Variants in MAP2K4 observed in about 807,000 individuals in gnomAD.
The protein encoded by MAP2K4 is mitogen-activated protein kinase kinase 4.
MAP2K4 carries 4 observed loss-of-function variants against 48.5 expected under a neutral mutation model. The observed-to-expected ratio is 0.08, with a 90% CI of 0.04 to 0.19. The LOEUF (loss-of-function observed/expected upper bound fraction) is 0.19, where lower values mean the gene tolerates loss of function less well. MAP2K4 is among the 10% of genes least tolerant of loss of function. The pLI is 1.00. For missense variants in MAP2K4, 258 were observed against 493.3 expected, an observed-to-expected ratio of 0.52 and a Z score of 4.52; for synonymous variants, 166 against 173.1, an observed-to-expected ratio of 0.96 and a Z score of 0.32.
chr17:12,033,796 A>G (rs1969511173), intron 1 of MAP2K4, among the ~76,000 whole-genome samples: 1 of 151,302 alleles, frequency 6.6e-6, no homozygotes, highest in Non-Finnish European at 1.5e-5. Flanking sequence ...CTAATTAATG[A>G]AAAAAAAAGG....
At position 12,142,730 on chromosome 17, in the gene MAP2K4, G is replaced by A. The variant is rs1973409585; in HGVS notation, c.*1470G>A. The A allele has an allele frequency of 4.3e-6, 1 of 232,946 alleles. No individual in the cohort carries two copies. Among genetic ancestry groups the A allele is most frequent in the African/African-American group, 2.2e-5 (1 of 45,320 alleles). 14.4% of individuals were successfully genotyped at this position (232,946 alleles called of 1,614,324 possible). ...CAAAACCCTCAGCACTGTTACAAGAGGCCATTTAAGTATCTTGTGCTTCTT... is the reference window on the plus strand; with the variant it reads ...CAAAACCCTCAGCACTGTTACAAGAAGCCATTTAAGTATCTTGTGCTTCTT... On this transcript the variant is annotated 3_prime_UTR_variant, in exon 11 of 11. Coordinates refer to ENST00000353533, the MANE Select transcript of MAP2K4 (RefSeq NM_003010.4).
chr17:12,091,886 A>G (rs1334437399), intron 3 of MAP2K4, among the ~76,000 whole-genome samples: 1 of 152,192 alleles, frequency 6.6e-6, no homozygotes, highest in East Asian at 1.9e-4. Context: ...TATATTCCAA[A>G]TAAAGTAAAA....
chr17:12,053,271 GATC>G (rs1330470718), intron 1 of MAP2K4, among the ~76,000 whole-genome samples: 2 of 151,800 alleles, frequency 1.3e-5, no homozygotes, highest in Non-Finnish European at 2.9e-5. Context: ...TAGCCATTCT[GATC>G]ATCATGTTAT....
chr17:12,025,140 T>C (rs1969216468), intron 1 of MAP2K4, among the ~76,000 whole-genome samples: 1 of 152,296 alleles, frequency 6.6e-6, no homozygotes, highest in Middle Eastern at 3.4e-3. Context: ...AAAAGGATGT[T>C]GAAGTGTAAA....
intron 7 of MAP2K4, chr17:12,124,708 C>T (rs539618152): frequency 6.6e-6 from 1 of 151,898 alleles, no homozygotes; most frequent in Non-Finnish European, 1.5e-5. Flanking sequence ...TGGAGCCTCG[C>T]TCTGTTGTCC....
At chr17:12,082,038 A>G (rs892215419) in intron 3 of MAP2K4, 1 of 474,486 alleles carries the variant, frequency 2.1e-6, no homozygotes, top group Admixed American at 2.2e-5. Flanking sequence ...ATCTCTACTC[A>G]GTACTGCCCT....
chr17:12,142,609 G>A lies in MAP2K4; in HGVS notation c.*1349G>A, dbSNP rs1423135285. 2 of 233,062 alleles carry A rather than the reference G, an allele frequency of 8.6e-6. No individual in the cohort carries two copies. Among genetic ancestry groups the A allele is most frequent in the East Asian group, 1.2e-4 (2 of 16,564 alleles). 14.4% of individuals were successfully genotyped at this position (233,062 alleles called of 1,614,324 possible). Reference sequence around the variant, plus strand: ...ATTGGACCAGATGAGGATCCGAAACGGCAGCCTTTACGTTCATCACCTGCT... The same window carrying A: ...ATTGGACCAGATGAGGATCCGAAACAGCAGCCTTTACGTTCATCACCTGCT... On this transcript the variant is annotated 3_prime_UTR_variant, in exon 11 of 11. Transcript: ENST00000353533.
At chr17:12,094,995 T>G (rs771022701) in intron 3 of MAP2K4, among the ~76,000 whole-genome samples, 2 of 152,048 alleles carry the variant, frequency 1.3e-5, no homozygotes, top group Non-Finnish European at 2.9e-5. Context: ...AAGGACAGAG[T>G]CCCAATCTAG....
At chr17:12,060,728 G>GGT (rs368390462) in intron 2 of MAP2K4, among the ~76,000 whole-genome samples, 200 of 150,346 alleles carry the variant, frequency 1.3e-3, no homozygotes, top group Middle Eastern at 3.4e-3. Flanking sequence ...AATACTATGG[G>GGT]GTGTGTGTGT....
chr17:12,063,779 C>T (rs1202745462), intron 2 of MAP2K4, among the ~76,000 whole-genome samples: 2 of 151,926 alleles, frequency 1.3e-5, no homozygotes, highest in African/African-American at 2.4e-5. Flanking sequence ...TCAAGACCAG[C>T]CTGACCAAAA....
chr17:12,095,282 A>G (rs761636401), intron 3 of MAP2K4, among the ~76,000 whole-genome samples: 2 of 152,164 alleles, frequency 1.3e-5, no homozygotes, highest in Non-Finnish European at 2.9e-5. Context: ...GTGGGGGTTA[A>G]TTTTTACTGC....
chr17:12,103,872 G>A (rs932937399), intron 4 of MAP2K4, among the ~76,000 whole-genome samples: 2 of 152,016 alleles, frequency 1.3e-5, no homozygotes, highest in African/African-American at 2.4e-5. Flanking sequence ...TTTAACTGTA[G>A]TATTCTAATG....
chr17:12,136,031 C>T (rs1238420622), intron 9 of MAP2K4, among the ~76,000 whole-genome samples: 1 of 152,150 alleles, frequency 6.6e-6, no homozygotes, highest in Non-Finnish European at 1.5e-5. Flanking sequence ...GGTAAAAATA[C>T]TTAGAGAATT....
At chr17:12,061,850 CTAT>C (rs528035749) in intron 2 of MAP2K4, among the ~76,000 whole-genome samples, 16 of 151,662 alleles carry the variant, frequency 1.1e-4, no homozygotes, top group African/African-American at 2.9e-4. Flanking sequence ...AAACTTTTAT[CTAT>C]TATTAAGGAA....
chr17:12,114,517 T>C lies in MAP2K4; in HGVS notation c.813+1157T>C, dbSNP rs28923226. Among the ~76,000 whole-genome samples, 108 of 152,240 alleles carry C rather than the reference T, an allele frequency of 7.1e-4. No homozygotes were observed. In the South Asian group the frequency reaches 8.7e-3, roughly 12 times the overall value. ...GACTCAGTTTGGAAGATCATTTGTT[T>C]ATCGTGATAACTAGGGATAAATGGC... is the stretch of plus-strand genomic sequence containing the variant. On this transcript the variant is annotated intron_variant, in intron 7 of 10. Transcript: ENST00000353533.
intron 1 of MAP2K4, chr17:12,036,701 T>C (rs1276467546): frequency 1.5e-5 from 2 of 129,464 alleles, no homozygotes; most frequent in Admixed American, 8.3e-5. Flanking sequence ...GTTGTCAGCA[T>C]TCTAATTTTT....
chr17:12,093,783 C>G (rs1971641384), intron 3 of MAP2K4, among the ~76,000 whole-genome samples: 1 of 152,108 alleles, frequency 6.6e-6, no homozygotes, highest in South Asian at 2.1e-4. Flanking sequence ...AACTCTTCGT[C>G]TGTTTTAAAT....
chr17:12,103,410 G>A (rs527717551), intron 4 of MAP2K4, among the ~76,000 whole-genome samples: 4 of 151,888 alleles, frequency 2.6e-5, no homozygotes, highest in East Asian at 1.9e-4. Flanking sequence ...AGCGGTGTTC[G>A]TTCTGATTGT....
chr17:12,137,432 A>G (rs1365718275), intron 9 of MAP2K4, among the ~76,000 whole-genome samples: 2 of 152,226 alleles, frequency 1.3e-5, no homozygotes, highest in Non-Finnish European at 2.9e-5. Context: ...TGAGGAAGAA[A>G]TAAAGTGGTT....
Sources: allele counts gnomAD v4.1 joint callset (sites outside exome capture counted in the v4.1 genomes callset), GRCh38; gene constraint gnomAD v4.1.1; transcripts MANE v1.5; gene names NCBI Gene and HGNC (gene_info 2026-07-23, HGNC 2026-07-21).